The following TRAF3 variants were observed in gnomAD, a reference collection of about 807,000 sequenced individuals.
The protein encoded by TRAF3 is TNF receptor associated factor 3.
A neutral mutation model predicts 62.3 loss-of-function variants in TRAF3; 13 were observed. That is an observed-to-expected ratio of 0.21 (90% confidence interval 0.14 to 0.33). TRAF3 has a LOEUF of 0.33. Ranked by LOEUF, TRAF3 falls within the 10% of genes least tolerant of loss-of-function variation. TRAF3 has a pLI of 1.00. For missense variants in TRAF3, 440 were observed against 741.8 expected (o/e 0.59, Z 4.73); for synonymous variants, 269 against 283.4 (o/e 0.95, Z 0.51).
intron 9 of TRAF3, among the ~76,000 whole-genome samples, chr14:102,892,317 C>A (rs1310453644): frequency 6.6e-6 from 1 of 152,208 alleles, no homozygotes; most frequent in Admixed American, 6.5e-5. Context: ...CTCGGCCTCC[C>A]AAAGTGCTGG....
In TRAF3 at chr14:102,826,147, G is replaced by A. The variant is rs1408958799; in HGVS notation, c.-156-4187G>A. Among the ~76,000 whole-genome samples the A allele has an allele frequency of 6.6e-6, 1 of 152,148 alleles. No homozygotes were observed. The highest frequency in any genetic ancestry group is 1.5e-5 in the Non-Finnish European group (1 of 68,022). On this transcript the variant is annotated intron_variant, in intron 1 of 11. Transcript: ENST00000392745. This position sits in a 1 kb window ranked among gnomAD's most constrained non-coding sequence, Gnocchi z 4.6. ...TTGGTGTCAGTGAACTCTGTTTTGG[G>A]TATCTACAAAAGCAGAAGGGGAGGT...
At position 102,899,384 on chromosome 14, in the gene TRAF3, C is replaced by T. The variant is rs554271564; in HGVS notation, c.960+1983C>T. On this transcript the variant is annotated intron_variant, in intron 10 of 11. Transcript: ENST00000392745. The stretch of plus-strand genomic sequence containing the variant: ...CTCTTGAGCAGCAGCCCAGCTCAGC[C>T]GTGTTCCCCACTGTTTCATCCTCAG... 4.6e-5 allele frequency among the ~76,000 whole-genome samples: 7 copies of T among 152,328 alleles called. No individual in the cohort carries two copies. The South Asian group carries it at 1.5e-3, about 32-fold the overall frequency.
intron 7 of TRAF3, among the ~76,000 whole-genome samples, chr14:102,886,583 C>G (rs367970000): frequency 6.6e-6 from 1 of 152,036 alleles, no homozygotes; most frequent in East Asian, 1.9e-4. Context: ...TGCTGAAACC[C>G]CGTCTCTACT....
chr14:102,880,017 A>G (rs1566792736), intron 6 of TRAF3, among the ~76,000 whole-genome samples: 1 of 152,168 alleles, frequency 6.6e-6, no homozygotes, highest in Admixed American at 6.5e-5. Context: ...TAGGGAGGCC[A>G]AGGTAGGAAG....
chr14:102,799,695 C>T (rs540195072), intron 1 of TRAF3, among the ~76,000 whole-genome samples: 5 of 152,312 alleles, frequency 3.3e-5, no homozygotes, highest in South Asian at 2.1e-4. Flanking sequence ...AAAGGACCTG[C>T]GTGCCTTGGC....
intron 2 of TRAF3, among the ~76,000 whole-genome samples, chr14:102,862,422 T>A (rs1887733752): frequency 6.7e-6 from 1 of 149,040 alleles, no homozygotes; most frequent in Non-Finnish European, 1.5e-5. Context: ...AAAAAAAAAA[T>A]TATTGGTTGA....
At chr14:102,838,676 G>C (rs1410373125) in intron 2 of TRAF3, among the ~76,000 whole-genome samples, 1 of 152,172 alleles carries the variant, frequency 6.6e-6, no homozygotes, top group Non-Finnish European at 1.5e-5. Context: ...CAGTCGTTGC[G>C]GCTGGAGCAG....
intron 8 of TRAF3, among the ~76,000 whole-genome samples, chr14:102,890,111 G>A (rs955803697): frequency 2.6e-5 from 4 of 152,210 alleles, no homozygotes; most frequent in South Asian, 2.1e-4. Context: ...GGGGACAGAC[G>A]CAAAATGGAG....
At position 102,790,941 on chromosome 14, in the gene TRAF3, A is replaced by G. The variant is rs145984171; in HGVS notation, c.-157+13266A>G. ...TGGAATTTTAATAGGGAGGGGATTGATTCTGTAGATTGCTTTGGGGGGTTG... is the reference window on the plus strand; with the variant it reads ...TGGAATTTTAATAGGGAGGGGATTGGTTCTGTAGATTGCTTTGGGGGGTTG... On this transcript the variant is annotated intron_variant, in intron 1 of 11. Coordinates refer to ENST00000392745, the MANE Select transcript of TRAF3 (RefSeq NM_145725.3). Among the ~76,000 whole-genome samples, 409 of 151,500 alleles carry G rather than the reference A, an allele frequency of 2.7e-3. 2 individuals carry two copies. Among genetic ancestry groups the G allele is most frequent in the African/African-American group, 9.5e-3 (394 of 41,258 alleles).
chr14:102,891,380 A>G lies in TRAF3; in HGVS notation c.782A>G (p.Asn261Ser), dbSNP rs775762527. 16 of 1,613,394 alleles carry G rather than the reference A, an allele frequency of 9.9e-6. No individual in the cohort carries two copies. The highest frequency in any genetic ancestry group is 1.4e-5 in the Non-Finnish European group (16 of 1,179,840). Residue 261 changes from asparagine to serine, a missense_variant, in exon 9 of 12, where the codon AAC becomes AGC. By Grantham distance (46) the Asn-to-Ser change is conservative. This residue lies in a region of TRAF3 where 255 missense variants were observed against 424.1 expected (regional missense o/e 0.60). Transcript: ENST00000392745. ...HEASSAVQHVNLLKEWSNSLE... is the reference protein window; with the variant it reads ...HEASSAVQHVSLLKEWSNSLE... ...GCCAGCTCCGCCGTGCAGCACGTCA[A>G]CCTGCTGAAGGAGTGGAGCAACTCG...
chr14:102,782,920 C>T (rs1897326318), intron 1 of TRAF3, among the ~76,000 whole-genome samples: 1 of 152,116 alleles, frequency 6.6e-6, no homozygotes, highest in Non-Finnish European at 1.5e-5. Flanking sequence ...GTAATATAAT[C>T]TGTAAGGCAA....
intron 1 of TRAF3, among the ~76,000 whole-genome samples, chr14:102,801,027 G>A (rs987337943): frequency 3.9e-5 from 6 of 152,126 alleles, no homozygotes; most frequent in Middle Eastern, 3.4e-3. Context: ...TTAGCCGGGC[G>A]CAGTGGCGGG....
chr14:102,816,647 AATAGC>A (rs1326510271), intron 1 of TRAF3, among the ~76,000 whole-genome samples: 3 of 152,346 alleles, frequency 2.0e-5, no homozygotes, highest in Admixed American at 2.0e-4. Flanking sequence ...GGTATTTTTT[AATAGC>A]ATGACATTCT....
At chr14:102,833,707 G>A (rs1327652322) in intron 2 of TRAF3, among the ~76,000 whole-genome samples, 3 of 152,168 alleles carry the variant, frequency 2.0e-5, no homozygotes, top group African/African-American at 7.2e-5. Flanking sequence ...AAATATTCGG[G>A]CATGTGGCCG....
intron 1 of TRAF3, among the ~76,000 whole-genome samples, chr14:102,791,210 G>A (rs1197034339): frequency 2.6e-5 from 4 of 151,748 alleles, no homozygotes; most frequent in Admixed American, 2.0e-4. Flanking sequence ...TTGTAGAGAC[G>A]GGGTTTAACT....
intron 1 of TRAF3, among the ~76,000 whole-genome samples, chr14:102,809,424 C>A (rs1898983237): frequency 6.6e-6 from 1 of 150,968 alleles, no homozygotes; most frequent in Admixed American, 6.6e-5. Flanking sequence ...GCCACCGCGC[C>A]TGGCCTAGAG....
chr14:102,891,498 T>C (rs1216189387), intron 9 of TRAF3, 81 bp downstream of exon 9: 3 of 1,431,370 alleles, frequency 2.1e-6, no homozygotes, highest in East Asian at 2.5e-5. Context: ...TTTGTAGTTA[T>C]TAATGGGTTT....
chr14:102,809,421 C>T (rs776210994), intron 1 of TRAF3, among the ~76,000 whole-genome samples: 5 of 151,896 alleles, frequency 3.3e-5, no homozygotes, highest in African/African-American at 4.8e-5. Context: ...TGAGCCACCG[C>T]GCCTGGCCTA....
chr14:102,861,090 C>T lies in TRAF3; in HGVS notation c.-17-9095C>T, dbSNP rs932967599. Among the ~76,000 whole-genome samples, 9 of 152,328 alleles carry T rather than the reference C, an allele frequency of 5.9e-5. No individual in the cohort carries two copies. The East Asian group carries it at 1.4e-3, about 23-fold the overall frequency. ...AGCTCAGGGAGGCCAGAGAAAGACC[C>T]GCCCATTGCAGCTGACACTGAATCA... On this transcript the variant is annotated intron_variant, in intron 2 of 11. Coordinates refer to ENST00000392745, the MANE Select transcript of TRAF3 (RefSeq NM_145725.3).
Sources: allele counts gnomAD v4.1 joint callset (sites outside exome capture counted in the v4.1 genomes callset), GRCh38; gene constraint gnomAD v4.1.1; regional missense constraint gnomAD v4.1.1; non-coding constraint Gnocchi (gnomAD v3.1); transcripts MANE v1.5; gene names NCBI Gene and HGNC (gene_info 2026-07-23, HGNC 2026-07-21).